Variants in RTN1 observed in about 807,000 individuals in gnomAD.
RTN1 encodes the protein reticulon-1.
A neutral mutation model predicts 65.5 loss-of-function variants in RTN1; 25 were observed. The ratio of observed to expected loss-of-function variants is 0.38; its 90% CI spans 0.28 to 0.53. RTN1 has a LOEUF of 0.53. RTN1 is among the 20% of genes least tolerant of loss of function. The probability of loss-of-function intolerance (pLI) is 0.79; values close to 1 mark genes in which losing one functional copy is unlikely to be tolerated. For synonymous variants in RTN1, 471 were observed against 447.6 expected, an observed-to-expected ratio of 1.05 and a Z score of -0.66; for missense variants, 983 against 1,025.4, an observed-to-expected ratio of 0.96 and a Z score of 0.57.
intron 1 of RTN1, among the ~76,000 whole-genome samples, chr14:59,778,172 C>A (rs1368610916): frequency 1.3e-5 from 2 of 152,162 alleles, no homozygotes; most frequent in African/African-American, 4.8e-5. Flanking sequence ...CAGGTCATTA[C>A]CTCTATCATG....
intron 3 of RTN1, among the ~76,000 whole-genome samples, chr14:59,647,476 C>T (rs1053460579): frequency 1.3e-5 from 2 of 152,172 alleles, no homozygotes; most frequent in Non-Finnish European, 2.9e-5. Context: ...GAACTCTCCA[C>T]CCCAAAACAA....
At chr14:59,810,183 T>G (rs985505854) in intron 1 of RTN1, among the ~76,000 whole-genome samples, 4 of 152,204 alleles carry the variant, frequency 2.6e-5, no homozygotes, top group African/African-American at 9.7e-5. Flanking sequence ...GAGTGTCTCC[T>G]TTCCAGGCAA....
rs141040302 is a variant in RTN1 at position 59,673,038 on chromosome 14, T to C, written c.1765+53881A>G. 6.0e-4 allele frequency among the ~76,000 whole-genome samples: 91 copies of C among 152,388 alleles called. 2 individuals are homozygous for C. The South Asian group carries it at 7.0e-3, about 12-fold the overall frequency. ...TTATGACATTGGTTTCCTGTTTCTC[T>C]CTTTTTCAACTTTCATTTTTTAAAT... On this transcript the variant is annotated intron_variant, in intron 3 of 8. Coordinates refer to ENST00000267484, the MANE Select transcript of RTN1 (RefSeq NM_021136.3).
At chr14:59,611,012 C>T (rs940441322) in intron 3 of RTN1, among the ~76,000 whole-genome samples, 1 of 152,200 alleles carries the variant, frequency 6.6e-6, no homozygotes, top group African/African-American at 2.4e-5. Context: ...TGGCTTCCCC[C>T]CACCCACAAA....
chr14:59,605,675 T>G, intron 4 of RTN1, 169 bp from the exon 5 acceptor site: 1 of 580,000 alleles, frequency 1.7e-6, no homozygotes, highest in Non-Finnish European at 3.0e-6. Context: ...CGTACACACC[T>G]GCTTCCATGC....
chr14:59,682,653 G>A (rs1039179090), intron 3 of RTN1, among the ~76,000 whole-genome samples: 8 of 152,096 alleles, frequency 5.3e-5, no homozygotes, highest in Non-Finnish European at 1.0e-4. Context: ...AATGAGTAAT[G>A]TTTCACACTT....
At chr14:59,598,599 G>T (rs1881481755) in intron 8 of RTN1, among the ~76,000 whole-genome samples, 1 of 152,136 alleles carries the variant, frequency 6.6e-6, no homozygotes, top group South Asian at 2.1e-4. Flanking sequence ...ATGTGCAATG[G>T]TGACCATCTA....
chr14:59,684,750 G>T (rs1305197591), intron 3 of RTN1, among the ~76,000 whole-genome samples: 1 of 151,986 alleles, frequency 6.6e-6, no homozygotes, highest in Non-Finnish European at 1.5e-5. Context: ...AAGTTTAAAT[G>T]TCAGAAAATA....
At chr14:59,736,996 G>T (rs1269764042) in intron 2 of RTN1, among the ~76,000 whole-genome samples, 1 of 152,176 alleles carries the variant, frequency 6.6e-6, no homozygotes, top group Admixed American at 6.5e-5. Context: ...AATAAACTGG[G>T]TTTTGAAGGA....
chr14:59,808,883 T>C (rs375630288), intron 1 of RTN1, among the ~76,000 whole-genome samples: 12 of 152,224 alleles, frequency 7.9e-5, no homozygotes, highest in Admixed American at 2.0e-4. Flanking sequence ...TCCTCAATGA[T>C]TGCAGACTTC....
chr14:59,693,230 G>A (rs568075345), intron 3 of RTN1, among the ~76,000 whole-genome samples: 30 of 152,318 alleles, frequency 2.0e-4, no homozygotes, highest in Non-Finnish European at 3.8e-4. Context: ...TGAGAAGACA[G>A]TATTGGTTAA....
rs150501139 is a variant in RTN1 at position 59,832,547 on chromosome 14, C to G, written c.241+37843G>C. Among the ~76,000 whole-genome samples the G allele has an allele frequency of 2.0e-3, 303 of 152,322 alleles. 2 individuals carry two copies. The highest frequency in any genetic ancestry group is 7.1e-3 in the African/African-American group (294 of 41,578). Reference sequence around the variant, plus strand: ...CATTTGTTTATTTATTTTTCCTCATCATCTGTAAGAAAGCCAACATCTTTC... The same window carrying G: ...CATTTGTTTATTTATTTTTCCTCATGATCTGTAAGAAAGCCAACATCTTTC... On this transcript the variant is annotated intron_variant, in intron 1 of 8. Transcript: ENST00000267484.
intron 3 of RTN1, among the ~76,000 whole-genome samples, chr14:59,639,322 TAC>T (rs1247082218): frequency 6.6e-6 from 1 of 152,198 alleles, no homozygotes; most frequent in Non-Finnish European, 1.5e-5. Context: ...AGCAAAATGT[TAC>T]AGAGACATGA....
chr14:59,857,021 G>C (rs2139670690), intron 1 of RTN1, among the ~76,000 whole-genome samples: 1 of 152,224 alleles, frequency 6.6e-6, no homozygotes, highest in South Asian at 2.1e-4. Flanking sequence ...GCCAAGACTA[G>C]ATAAATCTGA....
At position 59,816,251 on chromosome 14, in the gene RTN1, G is replaced by C. The variant is rs1453834652; in HGVS notation, c.241+54139C>G. Among the ~76,000 whole-genome samples, 2 of 151,870 alleles carry C rather than the reference G, an allele frequency of 1.3e-5. No individual in the cohort carries two copies. Among genetic ancestry groups the C allele is most frequent in the Non-Finnish European group, 2.9e-5 (2 of 67,912 alleles). On this transcript the variant is annotated intron_variant, in intron 1 of 8. Transcript: ENST00000267484. The surrounding 1 kb of genome is among the most constrained non-coding windows in gnomAD (Gnocchi z 4.3). ...CACACACAGACACACACACACACTA[G>C]TTACTCAGGTGATTAATGAATGCTG... is the stretch of plus-strand genomic sequence containing the variant.
At chr14:59,818,782 G>A (rs1886867925) in intron 1 of RTN1, among the ~76,000 whole-genome samples, 1 of 152,174 alleles carries the variant, frequency 6.6e-6, no homozygotes, top group African/African-American at 2.4e-5. Context: ...ATTCCCATTA[G>A]CAGTGTATAA....
At chr14:59,682,417 A>C (rs997310410) in intron 3 of RTN1, among the ~76,000 whole-genome samples, 1 of 152,212 alleles carries the variant, frequency 6.6e-6, no homozygotes, top group African/African-American at 2.4e-5. Flanking sequence ...CTGCCCCCAC[A>C]GAAGGATTCC....
At position 59,779,294 on chromosome 14, in the gene RTN1, T is replaced by A. The variant is rs116614103; in HGVS notation, c.242-32813A>T. On this transcript the variant is annotated intron_variant, in intron 1 of 8. Coordinates refer to ENST00000267484, the MANE Select transcript of RTN1 (RefSeq NM_021136.3). Reference sequence around the variant, plus strand: ...TGGATGGTAGTATAACTTTCTGTCATACGAAGGGGAGAAAGAGGTTTGAGA... The same window carrying A: ...TGGATGGTAGTATAACTTTCTGTCAAACGAAGGGGAGAAAGAGGTTTGAGA... Among the ~76,000 whole-genome samples the A allele has an allele frequency of 4.9e-3, 752 of 152,102 alleles. 7 individuals carry two copies. Among genetic ancestry groups the A allele is most frequent in the African/African-American group, 0.017 (721 of 41,494 alleles).
At chr14:59,792,453 T>A (rs559725983) in intron 1 of RTN1, among the ~76,000 whole-genome samples, 1 of 151,986 alleles carries the variant, frequency 6.6e-6, no homozygotes, top group African/African-American at 2.4e-5. Flanking sequence ...CTTGCATAAG[T>A]AAATGGGAAA....
Sources: gnomAD v4.1 joint callset for allele counts (sites outside exome capture counted in the v4.1 genomes callset) on GRCh38, gnomAD v4.1.1 for gene constraint, Gnocchi (gnomAD v3.1) non-coding constraint, MANE v1.5 for transcripts, NCBI Gene and HGNC (gene_info 2026-07-23, HGNC 2026-07-21) for gene names.